The following SOX7 variants were observed in gnomAD, a reference collection of about 807,000 sequenced individuals.
SOX7 encodes transcription factor SOX-7.
In SOX7, 19 loss-of-function variants were observed where a neutral mutation model predicts 24.9. The ratio of observed to expected loss-of-function variants is 0.76; its 90% CI spans 0.53 to 1.12. The LOEUF (loss-of-function observed/expected upper bound fraction) is 1.12. SOX7 is among the 50% of genes most tolerant of loss of function. The pLI, the probability that SOX7 is intolerant of heterozygous loss-of-function variation, is 0.00. For missense variants in SOX7, 702 were observed against 535.0 expected, an observed-to-expected ratio of 1.31 and a Z score of -3.08; for synonymous variants, 327 against 244.5, an observed-to-expected ratio of 1.34 and a Z score of -3.15.
In SOX7 at chr8:10,724,249, G is replaced by A. The variant is rs1002728145; in HGVS notation, c.*1489C>T. On this transcript the variant is annotated 3_prime_UTR_variant, in exon 2 of 2. Coordinates refer to ENST00000304501, the MANE Select transcript of SOX7 (RefSeq NM_031439.4). ...GGGTCCAGGGCTCAGAAACATTTTT[G>A]GAATCACAGTGAGTTTCTGATTTGC... The A allele has an allele frequency of 2.0e-5, 3 of 152,178 alleles. No homozygotes were observed. The highest frequency in any genetic ancestry group is 2.4e-5 in the African/African-American group (1 of 41,440). 9.4% of individuals were successfully genotyped at this position (152,178 alleles called of 1,614,324 possible).
Position 10,724,022 on chromosome 8 carries a change from C to G in SOX7, c.*1716G>C, listed in dbSNP as rs1365718329. 6.6e-6 allele frequency: 1 copy of G among 152,140 alleles called. No individual in the cohort carries two copies. The highest frequency in any genetic ancestry group is 6.5e-5 in the Admixed American group (1 of 15,268). 9.4% of individuals were successfully genotyped at this position (152,140 alleles called of 1,614,324 possible). On this transcript the variant is annotated 3_prime_UTR_variant, in exon 2 of 2. Coordinates refer to ENST00000304501, the MANE Select transcript of SOX7 (RefSeq NM_031439.4). ...TAATCATACCTTATAAGTGATTTTA[C>G]AATAGGACATCTTAGAAGGACAAAA...
At chr8:10,728,319 T>G (rs1412493605) in intron 1 of SOX7, among the ~76,000 whole-genome samples, 1 of 152,216 alleles carries the variant, frequency 6.6e-6, no homozygotes, top group Non-Finnish European at 1.5e-5. Flanking sequence ...TGTGACTAGG[T>G]CACATTTTTA....
Position 10,725,954 on chromosome 8 carries a change from T to C in SOX7, c.951A>G (p.Gln317=), listed in dbSNP as rs1800138997. Reference sequence around the variant, plus strand: ...CCCCCAGGAGTTCCACCTGGCTCAGTTGATCCAGGGCGTCGAAGCCAGGGT... The same window carrying C: ...CCCCCAGGAGTTCCACCTGGCTCAGCTGATCCAGGGCGTCGAAGCCAGGGT... ...PEHPGFDALD[Q]LSQVELLGDM... Residue 317 remains glutamine (Q), a synonymous_variant, in exon 2 of 2, where the codon CAA becomes CAG. Coordinates refer to ENST00000304501, the MANE Select transcript of SOX7 (RefSeq NM_031439.4). 2.5e-6 allele frequency: 4 copies of C among 1,612,400 alleles called. No individual in the cohort carries two copies. The highest frequency in any genetic ancestry group is 2.5e-6 in the Non-Finnish European group (3 of 1,178,646).
Position 10,730,371 on chromosome 8 carries a change from G to C in SOX7, c.63C>G (p.Ala21=), listed in dbSNP as rs199995288. 3.2e-6 allele frequency: 5 copies of C among 1,551,490 alleles called. No individual in the cohort carries two copies. In the South Asian group the frequency reaches 3.5e-5, roughly 11 times the overall value. Residue 21 remains alanine (A), a synonymous_variant, in exon 1 of 2, where the codon GCC becomes GCG. Transcript: ENST00000304501. This position sits in a 1 kb window ranked among gnomAD's most constrained non-coding sequence, Gnocchi z 4.8. ...GCGGCGATTGTCCATCCGACAGCTC[G>C]GCGTCCAGGGCCGGGCACTCGAGAC... ...PEGLECPALD[A]ELSDGQSPPA...
At chr8:10,726,706 G>A (rs771213288) in intron 1 of SOX7, 40 bp from the exon 2 acceptor site, 5 of 1,511,850 alleles carry the variant, frequency 3.3e-6, no homozygotes, top group Non-Finnish European at 3.5e-6. Flanking sequence ...TCAGTGCTGT[G>A]CCCCGCAGGC....
At chr8:10,729,928 C>A (rs910117583) in intron 1 of SOX7, among the ~76,000 whole-genome samples, 1 of 152,112 alleles carries the variant, frequency 6.6e-6, no homozygotes, top group African/African-American at 2.4e-5. Context: ...CCCCCTGGGG[C>A]GCCGATCTCC....
chr8:10,730,176 T>TCACTCACC lies in SOX7; in HGVS notation c.238+19_238+20insGGTGAGTG. 8.3e-7 allele frequency: 1 copy of TCACTCACC among 1,206,588 alleles called. No homozygotes were observed. The highest frequency in any genetic ancestry group is 1.1e-6 in the Non-Finnish European group (1 of 896,310). 74.7% of individuals were successfully genotyped at this position (1,206,588 alleles called of 1,614,324 possible). On this transcript the variant is annotated intron_variant, in intron 1 of 1. Transcript: ENST00000304501. This position sits in a 1 kb window ranked among gnomAD's most constrained non-coding sequence, Gnocchi z 4.8. ...CGCCCGCCCCCGGCCCCCAGCCCGC[T>TCACTCACC]CGGCCGCGCGCTCACTCACCCAGCA...
chr8:10,728,346 G>T (rs914083408), intron 1 of SOX7, among the ~76,000 whole-genome samples: 19 of 152,154 alleles, frequency 1.2e-4, no homozygotes, highest in Non-Finnish European at 1.2e-4. Context: ...AGGTTTGGAA[G>T]GTTTATAGTG....
rs1260076851 is a variant in SOX7 at position 10,724,714 on chromosome 8, C to T, written c.*1024G>A. On this transcript the variant is annotated 3_prime_UTR_variant, in exon 2 of 2. Coordinates refer to ENST00000304501, the MANE Select transcript of SOX7 (RefSeq NM_031439.4). The stretch of plus-strand genomic sequence containing the variant: ...ACTCCTGGTATACATTCAGACTGTG[C>T]ATATTCTTTTTTTTTTTTTTTTCTT... 1 of 149,406 alleles carries T rather than the reference C, an allele frequency of 6.7e-6. No individual in the cohort carries two copies. The highest frequency in any genetic ancestry group is 1.5e-5 in the Non-Finnish European group (1 of 67,932). The allele number at this position is 149,406 out of a possible 1,614,324, so 9.3% of individuals were successfully genotyped here. A position where few individuals can be genotyped will look rare whatever the true frequency, so the allele number is the denominator to read the frequency against.
intron 1 of SOX7, among the ~76,000 whole-genome samples, chr8:10,727,272 C>G (rs1322721182): frequency 6.6e-6 from 1 of 152,136 alleles, no homozygotes; most frequent in African/African-American, 2.4e-5. Flanking sequence ...CGAATAGAAC[C>G]CTGCTGGATG....
Position 10,726,013 on chromosome 8 carries a change from C to A in SOX7, c.892G>T (p.Ala298Ser). The change falls in exon 2 of 2, where the codon GCC becomes TCC. Residue 298 changes from alanine to serine, a missense_variant. Ala to Ser is a moderately conservative substitution (Grantham distance 99). Coordinates refer to ENST00000304501, the MANE Select transcript of SOX7 (RefSeq NM_031439.4). ...GGCGGGGAAAGCTGGCCCAGGTGGG[C>A]TTGGAGGTTGGAGTGGAGTGGGTGG... is the stretch of plus-strand genomic sequence containing the variant. ...TYHPLHSNLQ[A>S]HLGQLSPPPE... 6.3e-7 allele frequency: 1 copy of A among 1,587,152 alleles called. No individual in the cohort carries two copies. Among genetic ancestry groups the A allele is most frequent in the Non-Finnish European group, 8.6e-7 (1 of 1,165,664 alleles).
At chr8:10,727,178 G>A (rs1305839335) in intron 1 of SOX7, among the ~76,000 whole-genome samples, 1 of 152,114 alleles carries the variant, frequency 6.6e-6, no homozygotes, top group Non-Finnish European at 1.5e-5. Context: ...AGGGAACCCA[G>A]GCTCAGTCAA....
intron 1 of SOX7, among the ~76,000 whole-genome samples, chr8:10,728,736 C>T (rs1800203600): frequency 6.6e-6 from 1 of 152,226 alleles, no homozygotes; most frequent in African/African-American, 2.4e-5. Context: ...TGGCCCAGGC[C>T]TGCACAGAAT....
rs774195594 is a variant in SOX7, at chr8:10,730,293, C to A, written c.141G>T (p.Arg47=). The change falls in exon 1 of 2, where the codon CGG becomes CGT. Residue 47 remains arginine (R), a synonymous_variant. Transcript: ENST00000304501. This position sits in a 1 kb window ranked among gnomAD's most constrained non-coding sequence, Gnocchi z 4.8. ...GDKGSESRIR[R]PMNAFMVWAK... Reference sequence around the variant, plus strand: ...CCCAAACCATGAAGGCGTTCATGGGCCGCCGGATACGGCTCTCGGAGCCCT... The same window carrying A: ...CCCAAACCATGAAGGCGTTCATGGGACGCCGGATACGGCTCTCGGAGCCCT... The A allele has an allele frequency of 6.3e-7, 1 of 1,581,566 alleles. No homozygotes were observed. The highest frequency in any genetic ancestry group is 8.6e-7 in the Non-Finnish European group (1 of 1,165,764).
In SOX7 at chr8:10,726,447, C is replaced by T. The variant is rs1183389436; in HGVS notation, c.458G>A (p.Arg153Gln). Reference protein sequence around the residue: ...NALPEKRSGSRGALGEKEDRG... With the variant: ...NALPEKRSGSQGALGEKEDRG... ...GTCCTCCTTCTCCCCCAGCGCCCCC[C>T]GGCTGCCGCTTCTCTTCTCCGGCAG... Residue 153 changes from arginine (R) to glutamine (Q), a missense_variant, in exon 2 of 2, where the codon CGG (arginine) becomes CAG (glutamine). Transcript: ENST00000304501. 8 of 1,612,146 alleles carry T rather than the reference C, an allele frequency of 5.0e-6. No homozygotes were observed. Among genetic ancestry groups the T allele is most frequent in the South Asian group, 1.1e-5 (1 of 91,034 alleles).
Position 10,726,689 on chromosome 8 carries a change from G to A in SOX7, c.239-23C>T, listed in dbSNP as rs1342103413. 5 of 1,544,584 alleles carry A rather than the reference G, an allele frequency of 3.2e-6. No homozygotes were observed. In the South Asian group the frequency reaches 4.9e-5, roughly 15 times the overall value. ...TTCCTGCTCACACAAGGCAGAGGAG[G>A]CCATGCTCAGTGCTGTGCCCCGCAG... On this transcript the variant is annotated intron_variant, in intron 1 of 1. Transcript: ENST00000304501.
intron 1 of SOX7, among the ~76,000 whole-genome samples, chr8:10,728,289 T>C (rs1800193985): frequency 2.6e-5 from 4 of 152,242 alleles, no homozygotes; most frequent in African/African-American, 4.8e-5. Context: ...TTCTCATTCA[T>C]AATATATTTT....
At position 10,726,518 on chromosome 8, in the gene SOX7, C is replaced by T; in HGVS notation, c.387G>A (p.Val129=). The T allele has an allele frequency of 6.2e-7, 1 of 1,612,540 alleles. No homozygotes were observed. Among genetic ancestry groups the T allele is most frequent in the Non-Finnish European group, 8.5e-7 (1 of 1,179,958 alleles). The change falls in exon 2 of 2, where the codon GTG becomes GTA. Residue 129 remains valine (V), a synonymous_variant. Transcript: ENST00000304501. ...GGGAGCTCAGAAGGAAGCCCGGGTC[C>T]ACGCGCTTGCACAGCCGCTTGGCCT... ...KKQAKRLCKR[V]DPGFLLSSLS...
At chr8:10,729,996 G>A (rs1020327923) in intron 1 of SOX7, among the ~76,000 whole-genome samples, 200 bp downstream of exon 1, 3 of 151,940 alleles carry the variant, frequency 2.0e-5, no homozygotes, top group Non-Finnish European at 2.9e-5. Flanking sequence ...TTTGGACCGC[G>A]CCAAGTGCCC....
Sources: gnomAD v4.1 joint callset for allele counts (sites outside exome capture counted in the v4.1 genomes callset) on GRCh38, gnomAD v4.1.1 for gene constraint, Gnocchi (gnomAD v3.1) non-coding constraint, MANE v1.5 for transcripts, NCBI Gene and HGNC (gene_info 2026-07-23, HGNC 2026-07-21) for gene names.